CD48: variants seen among roughly 807,000 people sequenced by gnomAD.
CD48 encodes CD48 molecule.
A neutral mutation model predicts 22.0 loss-of-function variants in CD48; 20 were observed. The ratio of observed to expected loss-of-function variants is 0.91; its 90% confidence interval spans 0.64 to 1.32. CD48 has a LOEUF of 1.32. Among genes scored for constraint, CD48 ranks in the 40% most tolerant of loss-of-function variants. The probability of loss-of-function intolerance (pLI) is 0.00; values close to 1 mark genes in which losing one functional copy is unlikely to be tolerated. For missense variants in CD48, 307 were observed against 286.5 expected, an observed-to-expected ratio of 1.07 and a Z score of -0.52; for synonymous variants, 110 against 110.1, an observed-to-expected ratio of 1.00 and a Z score of 0.01.
intron 1 of CD48, 112 bp from the exon 2 acceptor site, chr1:160,685,301 G>A (rs1022313302): frequency 2.7e-6 from 2 of 751,614 alleles, no homozygotes; most frequent in Non-Finnish European, 4.3e-6. Flanking sequence ...TTTCTGCTTA[G>A]GAGCAGTGAG....
At chr1:160,680,833 G>C in intron 3 of CD48, 1 of 1,287,152 alleles carries the variant, frequency 7.8e-7, no homozygotes, top group Non-Finnish European at 9.9e-7. Context: ...AGCCCCTCTA[G>C]ACAGCTGCTC....
At chr1:160,710,402 G>GGGTA (rs1662912669) in intron 1 of CD48, among the ~76,000 whole-genome samples, 1 of 139,786 alleles carries the variant, frequency 7.2e-6, no homozygotes, top group African/African-American at 3.0e-5. Flanking sequence ...TAGCCCGGGT[G>GGGTA]TTATAACCCA....
chr1:160,681,027 G>T, intron 3 of CD48, 175 bp downstream of exon 3: 1 of 1,474,814 alleles, frequency 6.8e-7, no homozygotes, highest in South Asian at 1.3e-5. Flanking sequence ...AGGTAAGCTG[G>T]CTGGGAGGTG....
chr1:160,710,879 G>A (rs955344128), intron 1 of CD48, among the ~76,000 whole-genome samples: 1 of 152,336 alleles, frequency 6.6e-6, no homozygotes, highest in East Asian at 1.9e-4. Flanking sequence ...ACTCAGAGTG[G>A]TGAGCATTAA....
rs575464417 is a variant in CD48 at position 160,689,798 on chromosome 1, T to C, written c.83-4609A>G. Among the ~76,000 whole-genome samples the C allele has an allele frequency of 2.0e-5, 3 of 152,308 alleles. No individual in the cohort carries two copies. The South Asian group carries it at 6.2e-4, about 32-fold the overall frequency. Reference sequence around the variant, plus strand: ...TTCTGGTGGGTACCTAGACATGGGATTGATGATCTCCTGGTGAAACACAAG... The same window carrying C: ...TTCTGGTGGGTACCTAGACATGGGACTGATGATCTCCTGGTGAAACACAAG... On this transcript the variant is annotated intron_variant, in intron 1 of 3. Coordinates refer to ENST00000368046, the MANE Select transcript of CD48 (RefSeq NM_001778.4).
chr1:160,696,445 A>G (rs548125932), intron 1 of CD48, among the ~76,000 whole-genome samples: 1 of 152,396 alleles, frequency 6.6e-6, no homozygotes, highest in South Asian at 2.1e-4. Flanking sequence ...GCCTTTGACT[A>G]AAGCAAATGA....
intron 1 of CD48, among the ~76,000 whole-genome samples, chr1:160,708,346 G>A (rs887929000): frequency 8.5e-5 from 13 of 152,158 alleles, no homozygotes; most frequent in Non-Finnish European, 1.6e-4. Context: ...GGCCACTAAA[G>A]ATTTTAAGCA....
rs1016425008 is a variant in CD48, at chr1:160,678,990, A to G, written c.*62T>C. On this transcript the variant is annotated 3_prime_UTR_variant, in exon 4 of 4. Transcript: ENST00000368046. Reference sequence around the variant, plus strand: ...TACAGTCTCTGTCCTGGTGAGGAGCATGATCACCAACAGGCAAGATCTTCT... The same window carrying G: ...TACAGTCTCTGTCCTGGTGAGGAGCGTGATCACCAACAGGCAAGATCTTCT... The G allele has an allele frequency of 1.6e-5, 19 of 1,215,234 alleles. No individual in the cohort carries two copies. The highest frequency in any genetic ancestry group is 4.9e-6 in the Non-Finnish European group (4 of 816,332). The allele number at this position is 1,215,234 out of a possible 1,614,324, so 75.3% of individuals were successfully genotyped here.
chr1:160,703,606 G>T (rs1466004643), intron 1 of CD48, among the ~76,000 whole-genome samples: 2 of 152,118 alleles, frequency 1.3e-5, no homozygotes, highest in Non-Finnish European at 2.9e-5. Context: ...GTGAAAAAAC[G>T]TAAGCAATCA....
chr1:160,679,150 CCTATAT>C lies in CD48; in HGVS notation c.653-25_653-20del, dbSNP rs1661710665. On this transcript the variant is annotated intron_variant, in intron 3 of 3. Transcript: ENST00000368046. ...GACCGGGCTGAAAGAGCAAGAAAAC[CCTATAT>C]GCTTAGGTATCTTTATCTTGACTAA... The C allele has an allele frequency of 6.2e-7, 1 of 1,605,680 alleles. No individual in the cohort carries two copies.
chr1:160,681,141 C>G (rs781699211), intron 3 of CD48, 61 bp downstream of exon 3: 15 of 1,613,088 alleles, frequency 9.3e-6, no homozygotes, highest in African/African-American at 2.7e-5. Flanking sequence ...CCCAGCCTTT[C>G]TTTGTTCAAA....
At chr1:160,699,926 T>A (rs1370258064) in intron 1 of CD48, among the ~76,000 whole-genome samples, 7 of 151,870 alleles carry the variant, frequency 4.6e-5, no homozygotes, top group African/African-American at 1.7e-4. Flanking sequence ...TCTTTCTCTA[T>A]ACTTTGTCTC....
At chr1:160,680,845 C>T in intron 3 of CD48, 7 of 1,311,886 alleles carry the variant, frequency 5.3e-6, no homozygotes, top group South Asian at 2.0e-5. Context: ...CAGCTGCTCG[C>T]CCACTTGCCC....
intron 1 of CD48, among the ~76,000 whole-genome samples, chr1:160,693,561 G>T (rs1291669301): frequency 6.6e-6 from 1 of 152,294 alleles, no homozygotes; most frequent in East Asian, 1.9e-4. Context: ...AAAAAGAATT[G>T]CCCAGTCTTA....
intron 1 of CD48, among the ~76,000 whole-genome samples, chr1:160,705,441 G>T (rs1662758404): frequency 6.6e-6 from 1 of 152,172 alleles, no homozygotes; most frequent in African/African-American, 2.4e-5. Context: ...AACAAAAACA[G>T]AAATGTGATG....
chr1:160,709,281 T>C (rs563617211), intron 1 of CD48, among the ~76,000 whole-genome samples: 1 of 152,288 alleles, frequency 6.6e-6, no homozygotes, highest in Non-Finnish European at 1.5e-5. Flanking sequence ...GGCTTAAGAA[T>C]TTACTGATGC....
At chr1:160,697,894 C>T (rs1012900982) in intron 1 of CD48, among the ~76,000 whole-genome samples, 6 of 152,098 alleles carry the variant, frequency 3.9e-5, no homozygotes, top group African/African-American at 1.4e-4. Context: ...AAAGTCTAGA[C>T]AAACATAAGC....
chr1:160,682,127 GATGAATGAAGTAGTT>G (rs951338816), intron 2 of CD48, among the ~76,000 whole-genome samples: 1 of 152,146 alleles, frequency 6.6e-6, no homozygotes, highest in African/African-American at 2.4e-5. Flanking sequence ...CTCATGAAAG[GATGAATGAAGTAGTT>G]ATGAGATAGA....
In CD48 at chr1:160,697,797, G is replaced by A. The variant is rs190376211; in HGVS notation, c.83-12608C>T. ...GAAACTATTATAGATTGGGCACCTC[G>A]AGGTCAATTCTACCACAATTGCTCA... is the stretch of plus-strand genomic sequence containing the variant. On this transcript the variant is annotated intron_variant, in intron 1 of 3. Coordinates refer to ENST00000368046, the MANE Select transcript of CD48 (RefSeq NM_001778.4). 7.2e-3 allele frequency among the ~76,000 whole-genome samples: 1,095 copies of A among 152,064 alleles called. 13 individuals are homozygous for A. Among genetic ancestry groups the A allele is most frequent in the African/African-American group, 0.025 (1,041 of 41,442 alleles).
Sources: allele counts gnomAD v4.1 joint callset (sites outside exome capture counted in the v4.1 genomes callset), GRCh38; gene constraint gnomAD v4.1.1; transcripts MANE v1.5; gene names NCBI Gene and HGNC (gene_info 2026-07-23, HGNC 2026-07-21).